The following PHACTR1 variants were observed in gnomAD, a reference collection of about 807,000 sequenced individuals.
PHACTR1 encodes the protein RPEL repeat containing 1.
A neutral mutation model predicts 69.2 loss-of-function variants in PHACTR1; 16 were observed. The ratio of observed to expected loss-of-function variants is 0.23; its 90% confidence interval spans 0.16 to 0.35. PHACTR1 has a LOEUF of 0.35. Among genes scored for constraint, PHACTR1 ranks in the 10% least tolerant of loss-of-function variants. The pLI is 1.00. For synonymous variants in PHACTR1, 312 were observed against 284.5 expected (o/e 1.10, Z -0.97); for missense variants, 510 against 734.7 (o/e 0.69, Z 3.54).
chr6:13,102,822 T>A (rs1815390383), intron 5 of PHACTR1, among the ~76,000 whole-genome samples: 1 of 152,226 alleles, frequency 6.6e-6, no homozygotes. Flanking sequence ...GTAGTTGATG[T>A]TGCATTATGT....
Position 12,874,622 on chromosome 6 carries a change from A to G in PHACTR1, c.250+124832A>G, listed in dbSNP as rs75321561. 9.2e-3 allele frequency among the ~76,000 whole-genome samples: 1,405 copies of G among 152,218 alleles called. 19 individuals are homozygous for G. Among genetic ancestry groups the G allele is most frequent in the Middle Eastern group, 0.01 (3 of 292 alleles). On this transcript the variant is annotated intron_variant, in intron 4 of 14. Coordinates refer to ENST00000332995, the MANE Select transcript of PHACTR1 (RefSeq NM_030948.6). ...TCCTCATCCCCATCGAGCCACCACC[A>G]TCTACATCCTCCTCCTATCTGCAAT...
At chr6:13,149,859 TTGTTAG>T (rs1242561896) in intron 5 of PHACTR1, among the ~76,000 whole-genome samples, 1 of 151,370 alleles carries the variant, frequency 6.6e-6, no homozygotes, top group African/African-American at 2.4e-5. Flanking sequence ...TCATCAACTA[TTGTTAG>T]TGTTAGTGTA....
intron 5 of PHACTR1, among the ~76,000 whole-genome samples, chr6:13,054,388 G>C (rs1806456493): frequency 6.6e-6 from 1 of 152,186 alleles, no homozygotes; most frequent in Non-Finnish European, 1.5e-5. Flanking sequence ...GAGCTATACA[G>C]ATTCCCTTTG....
intron 11 of PHACTR1, among the ~76,000 whole-genome samples, chr6:13,276,495 G>A (rs1778936798): frequency 1.3e-5 from 2 of 152,252 alleles, no homozygotes; most frequent in South Asian, 4.1e-4. Context: ...CCCAAGGCCG[G>A]GCGCGGTGGC....
At chr6:12,934,575 C>A (rs931990465) in intron 4 of PHACTR1, among the ~76,000 whole-genome samples, 6 of 152,160 alleles carry the variant, frequency 3.9e-5, no homozygotes, top group Non-Finnish European at 2.9e-5. Context: ...GTGGCTCACG[C>A]CTGTAATCCC....
chr6:13,206,176 G>T, intron 8 of PHACTR1, 40 bp downstream of exon 8: 2 of 1,498,576 alleles, frequency 1.3e-6, no homozygotes, highest in Non-Finnish European at 1.8e-6. Context: ...GAGGAGAGGG[G>T]TTGGCTGGGG....
intron 5 of PHACTR1, among the ~76,000 whole-genome samples, chr6:13,059,096 G>A (rs1322291276): frequency 1.3e-5 from 2 of 152,114 alleles, no homozygotes; most frequent in African/African-American, 2.4e-5. Flanking sequence ...GTTGCCTTTG[G>A]CATGGAATGT....
chr6:13,284,861 C>T (rs1014523643), intron 13 of PHACTR1, among the ~76,000 whole-genome samples: 12 of 152,156 alleles, frequency 7.9e-5, no homozygotes, highest in African/African-American at 1.4e-4. Flanking sequence ...CTTCCAGAGA[C>T]GACCTCGCCT....
At chr6:13,115,525 C>A (rs904049964) in intron 5 of PHACTR1, among the ~76,000 whole-genome samples, 2 of 152,044 alleles carry the variant, frequency 1.3e-5, no homozygotes, top group African/African-American at 4.8e-5. Flanking sequence ...AAAACAGAGC[C>A]TGAGATGAGG....
At chr6:13,002,069 T>C (rs2127625334) in intron 4 of PHACTR1, among the ~76,000 whole-genome samples, 1 of 152,344 alleles carries the variant, frequency 6.6e-6, no homozygotes, top group East Asian at 1.9e-4. Context: ...CAATTAACAC[T>C]GAACTATGCA....
At chr6:13,262,888 G>C (rs954389319) in intron 10 of PHACTR1, among the ~76,000 whole-genome samples, 1 of 152,160 alleles carries the variant, frequency 6.6e-6, no homozygotes, top group African/African-American at 2.4e-5. Context: ...AGTTAATTCT[G>C]TTTTTCCTTT....
At chr6:13,177,312 C>T (rs1761476570) in intron 6 of PHACTR1, among the ~76,000 whole-genome samples, 1 of 150,766 alleles carries the variant, frequency 6.6e-6, no homozygotes, top group South Asian at 2.1e-4. Flanking sequence ...GGTGATGGAG[C>T]AACACTCTGA....
At position 12,770,552 on chromosome 6, in the gene PHACTR1, G is replaced by T. The variant is rs1581673573; in HGVS notation, c.250+20762G>T. 2.6e-5 allele frequency among the ~76,000 whole-genome samples: 4 copies of T among 152,274 alleles called. No individual in the cohort carries two copies. The South Asian group carries it at 8.3e-4, about 32-fold the overall frequency. On this transcript the variant is annotated intron_variant, in intron 4 of 14. Transcript: ENST00000332995. ...GAGGAGGAGCTTCAAGAGTTGAGGG[G>T]CATTCTAATCAGAGAAGACAGTCTG...
chr6:13,207,944 G>A (rs887726977), intron 8 of PHACTR1, among the ~76,000 whole-genome samples: 1 of 152,116 alleles, frequency 6.6e-6, no homozygotes, highest in Non-Finnish European at 1.5e-5. Flanking sequence ...CTGCATTTGG[G>A]AAAGGAGTGA....
intron 5 of PHACTR1, among the ~76,000 whole-genome samples, chr6:13,094,649 AG>A (rs1413484615): frequency 6.6e-6 from 1 of 152,210 alleles, no homozygotes; most frequent in Non-Finnish European, 1.5e-5. Flanking sequence ...TAAGGAGCCC[AG>A]GAACGAGGCT....
chr6:12,718,848 G>A lies in PHACTR1; in HGVS notation c.103+1G>A. On this transcript the variant is annotated splice_donor_variant, in intron 3 of 14. Transcript: ENST00000332995. LOFTEE classifies it high-confidence loss of function. The stretch of plus-strand genomic sequence containing the variant: ...TTCTTCTACAGTCAAGGAGCTCAAG[G>A]TAATAAAATAAGAAAAAGAAATTCC... 1 of 1,526,744 alleles carries A rather than the reference G, an allele frequency of 6.5e-7. No homozygotes were observed. The highest frequency in any genetic ancestry group is 8.9e-7 in the Non-Finnish European group (1 of 1,126,684). The allele number at this position is 1,526,744 out of a possible 1,614,324, so 94.6% of individuals were successfully genotyped here.
intron 4 of PHACTR1, among the ~76,000 whole-genome samples, chr6:12,953,289 C>G (rs1171681156): frequency 3.9e-5 from 6 of 152,166 alleles, no homozygotes; most frequent in Non-Finnish European, 5.9e-5. Flanking sequence ...CGGCACTGCA[C>G]TCCAGCCTGG....
chr6:12,944,053 T>G (rs1790332040), intron 4 of PHACTR1, among the ~76,000 whole-genome samples: 1 of 152,252 alleles, frequency 6.6e-6, no homozygotes, highest in African/African-American at 2.4e-5. Context: ...ATTGCAGTGT[T>G]CTTACTACAT....
At chr6:12,906,259 A>G (rs1169649965) in intron 4 of PHACTR1, among the ~76,000 whole-genome samples, 1 of 152,226 alleles carries the variant, frequency 6.6e-6, no homozygotes, top group East Asian at 1.9e-4. Context: ...TGGGAGGGAT[A>G]TCAAAACATT....
Sources: allele counts gnomAD v4.1 joint callset (sites outside exome capture counted in the v4.1 genomes callset), GRCh38; gene constraint gnomAD v4.1.1; transcripts MANE v1.5; gene names NCBI Gene and HGNC (gene_info 2026-07-23, HGNC 2026-07-21).